MPPED2: variants seen among roughly 807,000 people sequenced by gnomAD.
MPPED2 encodes metallophosphoesterase domain containing 2, also known as metallophosphoesterase MPPED2.
A neutral mutation model predicts 33.0 loss-of-function variants in MPPED2; 5 were observed. That is an observed-to-expected ratio of 0.15 (90% confidence interval 0.08 to 0.32). MPPED2 has a LOEUF of 0.32. Ranked by LOEUF, MPPED2 falls within the 10% of genes least tolerant of loss-of-function variation. MPPED2 has a pLI of 1.00. For missense variants in MPPED2, 275 were observed against 372.1 expected (o/e 0.74, Z 2.15); for synonymous variants, 136 against 141.9 (o/e 0.96, Z 0.29).
intron 3 of MPPED2, among the ~76,000 whole-genome samples, chr11:30,530,025 G>A (rs10835682): frequency 0.23 from 34,562 of 152,114 alleles, 4,269 homozygotes; most frequent in East Asian, 0.41. Flanking sequence ...TGGCAATGAT[G>A]CTGTGTTAAA....
chr11:30,555,577 G>C (rs904057693), intron 2 of MPPED2, among the ~76,000 whole-genome samples: 2 of 152,056 alleles, frequency 1.3e-5, no homozygotes, highest in African/African-American at 4.8e-5. Flanking sequence ...TCTCATGATA[G>C]TGAATAAGTC....
In MPPED2 at chr11:30,417,637, T is replaced by C. The variant is rs1450104195; in HGVS notation, c.537-4A>G. 2 of 1,577,426 alleles carry C rather than the reference T, an allele frequency of 1.3e-6. No individual in the cohort carries two copies. Among genetic ancestry groups the C allele is most frequent in the South Asian group, 2.2e-5 (2 of 90,186 alleles). On this transcript the variant is annotated splice_region_variant and splice_polypyrimidine_tract_variant and intron_variant, in intron 4 of 6. Transcript: ENST00000358117. ...CCATCCATTAAACCACGGGGTCCTT[T>C]GGGGGAGATAATGCACATGGTATCA...
chr11:30,511,719 C>G (rs1251810404), intron 3 of MPPED2, among the ~76,000 whole-genome samples: 3 of 152,126 alleles, frequency 2.0e-5, no homozygotes, highest in African/African-American at 7.2e-5. Flanking sequence ...ACGCTCAGTG[C>G]AATCATCTAT....
intron 3 of MPPED2, among the ~76,000 whole-genome samples, chr11:30,510,024 T>G (rs1465682035): frequency 2.0e-5 from 3 of 152,194 alleles, no homozygotes; most frequent in African/African-American, 4.8e-5. Flanking sequence ...GTGCCTACAA[T>G]CATGAATCCT....
chr11:30,536,004 A>G lies in MPPED2; in HGVS notation c.300T>C (p.Asn100=). Residue 100 remains asparagine (N), a synonymous_variant, in exon 3 of 7, where the codon AAT becomes AAC. Coordinates refer to ENST00000358117, the MANE Select transcript of MPPED2 (RefSeq NM_001584.3). ...LGLPSEVKKF[N]DWLGNLPYEY... ...GCAATCATTCCTTACCTAACCAGTC[A>G]TTAAACTTCTTAACCTCTGAGGGCA... The G allele has an allele frequency of 6.2e-7, 1 of 1,604,844 alleles. No individual in the cohort carries two copies. Among genetic ancestry groups the G allele is most frequent in the Non-Finnish European group, 8.5e-7 (1 of 1,176,604 alleles).
chr11:30,434,580 C>T (rs527305110), intron 4 of MPPED2, among the ~76,000 whole-genome samples: 10 of 152,294 alleles, frequency 6.6e-5, no homozygotes, highest in Non-Finnish European at 1.0e-4. Context: ...CAAGCTTGTG[C>T]ATTTCCAGTT....
At chr11:30,473,827 A>G (rs528509070) in intron 4 of MPPED2, among the ~76,000 whole-genome samples, 1 of 152,332 alleles carries the variant, frequency 6.6e-6, no homozygotes, top group Admixed American at 6.5e-5. Context: ...AATAGTAAAC[A>G]GAAAACCCAG....
intron 4 of MPPED2, among the ~76,000 whole-genome samples, chr11:30,437,934 T>G (rs769685908): frequency 6.6e-6 from 1 of 152,058 alleles, no homozygotes; most frequent in Admixed American, 6.6e-5. Flanking sequence ...GCCAGACAAT[T>G]GGGTTTGAGT....
intron 6 of MPPED2, among the ~76,000 whole-genome samples, chr11:30,412,684 G>A (rs1465390007): frequency 6.6e-6 from 1 of 152,124 alleles, no homozygotes; most frequent in Non-Finnish European, 1.5e-5. Flanking sequence ...TCCATCAAGA[G>A]GTTGGTATTT....
intron 4 of MPPED2, among the ~76,000 whole-genome samples, chr11:30,492,963 A>T (rs1050181199): frequency 1.3e-5 from 2 of 152,218 alleles, no homozygotes; most frequent in African/African-American, 4.8e-5. Flanking sequence ...AAATAAGATG[A>T]CACGTATACA....
intron 4 of MPPED2, among the ~76,000 whole-genome samples, chr11:30,444,286 C>T (rs1316578462): frequency 1.3e-5 from 2 of 152,068 alleles, no homozygotes; most frequent in African/African-American, 2.4e-5. Flanking sequence ...GCCATGTGCT[C>T]GGGGCAGGGT....
chr11:30,416,131 A>G (rs1948344765), intron 5 of MPPED2, among the ~76,000 whole-genome samples: 2 of 152,262 alleles, frequency 1.3e-5, no homozygotes, highest in African/African-American at 4.8e-5. Flanking sequence ...ATATTTTAAA[A>G]CATGGGTTGA....
At chr11:30,488,404 C>T (rs997986850) in intron 4 of MPPED2, among the ~76,000 whole-genome samples, 1 of 152,158 alleles carries the variant, frequency 6.6e-6, no homozygotes, top group Non-Finnish European at 1.5e-5. Context: ...CAGACAAATA[C>T]TTCTTTAGCA....
intron 3 of MPPED2, among the ~76,000 whole-genome samples, chr11:30,527,005 A>C (rs1366020947): frequency 6.6e-6 from 1 of 151,452 alleles, no homozygotes; most frequent in Non-Finnish European, 1.5e-5. Flanking sequence ...GCTCACTGCA[A>C]GCTCCGCCTC....
intron 1 of MPPED2, among the ~76,000 whole-genome samples, chr11:30,585,437 T>C (rs1180920193): frequency 1.3e-5 from 2 of 151,860 alleles, no homozygotes; most frequent in African/African-American, 2.4e-5. Flanking sequence ...AGCTGCGCGG[T>C]GCCTTCCCCT....
At chr11:30,502,180 T>C (rs1316505108) in intron 3 of MPPED2, among the ~76,000 whole-genome samples, 2 of 152,206 alleles carry the variant, frequency 1.3e-5, no homozygotes, top group East Asian at 3.9e-4. Flanking sequence ...AGGCCACAAG[T>C]GGGGCCAGAA....
At chr11:30,556,522 A>T (rs1257392153) in intron 2 of MPPED2, among the ~76,000 whole-genome samples, 3 of 152,226 alleles carry the variant, frequency 2.0e-5, no homozygotes, top group African/African-American at 7.2e-5. Context: ...AAAATAAAAT[A>T]GTCAAATCCA....
intron 4 of MPPED2, among the ~76,000 whole-genome samples, chr11:30,489,485 G>T (rs2134172409): frequency 6.6e-6 from 1 of 152,326 alleles, no homozygotes; most frequent in Middle Eastern, 3.4e-3. Context: ...GAAATGAGGG[G>T]AAGAGAGGAA....
intron 6 of MPPED2, among the ~76,000 whole-genome samples, chr11:30,411,893 A>C (rs1948120261): frequency 6.6e-6 from 1 of 152,022 alleles, no homozygotes; most frequent in African/African-American, 2.4e-5. Context: ...TCCTCCTTTT[A>C]AAATAGGATT....
Sources: allele counts gnomAD v4.1 joint callset (sites outside exome capture counted in the v4.1 genomes callset), GRCh38; gene constraint gnomAD v4.1.1; transcripts MANE v1.5; gene names NCBI Gene and HGNC (gene_info 2026-07-23, HGNC 2026-07-21).